The following PDE1A variants were observed in gnomAD, a reference collection of about 807,000 sequenced individuals.
PDE1A encodes the protein dual specificity calcium/calmodulin-dependent 3',5'-cyclic nucleotide phosphodiesterase 1A.
A neutral mutation model predicts 61.7 loss-of-function variants in PDE1A; 35 were observed. That is an observed-to-expected ratio of 0.57 (90% CI 0.43 to 0.75). The LOEUF (loss-of-function observed/expected upper bound fraction) is 0.75. Among genes scored for constraint, PDE1A ranks in the 30% least tolerant of loss-of-function variants. PDE1A has a pLI of 0.00. For missense variants in PDE1A, 597 were observed against 630.6 expected (o/e 0.95, Z 0.57); for synonymous variants, 232 against 213.2 (o/e 1.09, Z -0.77).
intron 1 of PDE1A, among the ~76,000 whole-genome samples, chr2:182,358,971 TTTCCTTCC>T (rs199552273): frequency 1.3e-5 from 2 of 151,688 alleles, no homozygotes; most frequent in African/African-American, 2.4e-5. Context: ...CCTTCCTTCC[TTTCCTTCC>T]TTCCTTCCTT....
At chr2:182,574,809 G>T in the PDE1A span, among the ~76,000 whole-genome samples, 1 of 152,116 alleles carries the variant, frequency 6.6e-6, no homozygotes, top group East Asian at 1.9e-4. Context: ...TCCTGCCTCA[G>T]CCTCCCAAGT....
At chr2:182,585,362 T>A in the PDE1A span, among the ~76,000 whole-genome samples, 1 of 152,228 alleles carries the variant, frequency 6.6e-6, no homozygotes, top group Admixed American at 6.5e-5. Flanking sequence ...TATTCTTCAA[T>A]GTCCTCAATC....
the PDE1A span, among the ~76,000 whole-genome samples, chr2:182,650,790 G>A: frequency 0.13 from 20,193 of 152,100 alleles, 1,866 homozygotes; most frequent in African/African-American, 0.26. Flanking sequence ...CATCCCAACT[G>A]AAAACACTTG....
intron 1 of PDE1A, among the ~76,000 whole-genome samples, chr2:182,294,819 G>T (rs1402731728): frequency 6.6e-6 from 1 of 152,106 alleles, no homozygotes; most frequent in Non-Finnish European, 1.5e-5. Flanking sequence ...ACGAAAGGGT[G>T]TTTACAGAGG....
At chr2:182,295,570 T>A (rs1037441122) in intron 1 of PDE1A, among the ~76,000 whole-genome samples, 4 of 152,196 alleles carry the variant, frequency 2.6e-5, no homozygotes, top group African/African-American at 9.6e-5. Context: ...CTGAATGGTA[T>A]CTACGGATTA....
chr2:182,673,562 A>G, the PDE1A span, among the ~76,000 whole-genome samples: 1 of 152,138 alleles, frequency 6.6e-6, no homozygotes, highest in Non-Finnish European at 1.5e-5. Context: ...TATGTAGTAT[A>G]TTGGGGCAGC....
chr2:182,192,023 T>A (rs955007667), intron 10 of PDE1A, among the ~76,000 whole-genome samples: 1 of 151,912 alleles, frequency 6.6e-6, no homozygotes, highest in African/African-American at 2.4e-5. Flanking sequence ...GCTGAGCTAA[T>A]TTTTTATATT....
the PDE1A span, among the ~76,000 whole-genome samples, chr2:182,646,485 C>T: frequency 2.0e-5 from 3 of 150,424 alleles, no homozygotes; most frequent in Admixed American, 6.6e-5. Context: ...GTCAGGAGTT[C>T]GAGACCAGCC....
chr2:182,366,025 T>C (rs928662198), intron 1 of PDE1A, among the ~76,000 whole-genome samples: 6 of 152,066 alleles, frequency 3.9e-5, no homozygotes, highest in Non-Finnish European at 5.9e-5. Context: ...GAGATGTTCA[T>C]CTGGCAATAA....
At chr2:182,246,404 TC>T (rs201031571) in intron 2 of PDE1A, among the ~76,000 whole-genome samples, 7,748 of 52,000 alleles carry the variant, frequency 0.15, 613 homozygotes, top group African/African-American at 0.36. Context: ...CTTTTTTCTT[TC>T]TTTTTTTTTT....
At chr2:182,560,923 T>G in the PDE1A span, among the ~76,000 whole-genome samples, 7 of 152,226 alleles carry the variant, frequency 4.6e-5, no homozygotes, top group East Asian at 1.2e-3. Flanking sequence ...TTCTTGTAAA[T>G]TTGTTTGAGT....
chr2:182,461,221 TA>T (rs2125764838), intron 2 of PDE1A, among the ~76,000 whole-genome samples: 1 of 152,246 alleles, frequency 6.6e-6, no homozygotes, highest in South Asian at 2.1e-4. Context: ...TACGAAAAAC[TA>T]AAGTAAAGTT....
chr2:182,403,499 T>C (rs1406276503), intron 1 of PDE1A, among the ~76,000 whole-genome samples: 2 of 149,736 alleles, frequency 1.3e-5, no homozygotes, highest in Non-Finnish European at 3.0e-5. Context: ...CTCGGGAGGC[T>C]GAGGCAGGAG....
intron 1 of PDE1A, among the ~76,000 whole-genome samples, chr2:182,424,481 G>A (rs1703481010): frequency 6.6e-6 from 1 of 152,126 alleles, no homozygotes; most frequent in Non-Finnish European, 1.5e-5. Context: ...GAAAAGTCAG[G>A]CTTGAGAAAG....
intron 1 of PDE1A, among the ~76,000 whole-genome samples, chr2:182,409,711 C>T (rs77762992): frequency 0.025 from 3,794 of 152,238 alleles, 71 homozygotes; most frequent in South Asian, 0.048. Flanking sequence ...ATAAGGGAAG[C>T]CAAAATGTCT....
chr2:182,565,200 T>C, the PDE1A span, among the ~76,000 whole-genome samples: 1 of 152,210 alleles, frequency 6.6e-6, no homozygotes, highest in Non-Finnish European at 1.5e-5. Flanking sequence ...ACTTTTGGTC[T>C]TTGATGATGG....
intron 1 of PDE1A, among the ~76,000 whole-genome samples, chr2:182,324,564 C>G (rs1166701228): frequency 6.6e-6 from 1 of 152,102 alleles, no homozygotes; most frequent in Admixed American, 6.6e-5. Flanking sequence ...TAATGCCAAG[C>G]ATACTCTATG....
intron 2 of PDE1A, among the ~76,000 whole-genome samples, chr2:182,256,880 T>C (rs1691859951): frequency 6.6e-6 from 1 of 152,258 alleles, no homozygotes; most frequent in Non-Finnish European, 1.5e-5. Context: ...CTGTTTTTTG[T>C]ACTCGAGCAA....
At chr2:182,337,757 T>C (rs2125012178) in intron 1 of PDE1A, among the ~76,000 whole-genome samples, 1 of 152,274 alleles carries the variant, frequency 6.6e-6, no homozygotes. Context: ...ACTTAATGAA[T>C]GTTGTTACCT....
Sources: allele counts gnomAD v4.1 joint callset (sites outside exome capture counted in the v4.1 genomes callset), GRCh38; gene constraint gnomAD v4.1.1; transcripts MANE v1.5; gene names NCBI Gene and HGNC (gene_info 2026-07-23, HGNC 2026-07-21).